The following PAPOLG variants were observed in gnomAD, a reference collection of about 807,000 sequenced individuals.
The protein encoded by PAPOLG is poly(A) polymerase gamma.
A neutral mutation model predicts 99.0 loss-of-function variants in PAPOLG; 40 were observed. The observed-to-expected ratio is 0.40, with a 90% CI of 0.31 to 0.53. The LOEUF is 0.53. Ranked by LOEUF, PAPOLG falls within the 20% of genes least tolerant of loss-of-function variation. The pLI, the probability that PAPOLG is intolerant of heterozygous loss-of-function variation, is 0.41. For missense variants in PAPOLG, 675 were observed against 884.1 expected, an observed-to-expected ratio of 0.76 and a Z score of 3.00; for synonymous variants, 310 against 299.3, an observed-to-expected ratio of 1.04 and a Z score of -0.37.
intron 3 of PAPOLG, 135 bp from the exon 4 acceptor site, chr2:60,768,335 C>T: frequency 2.6e-6 from 2 of 763,852 alleles, no homozygotes; most frequent in Non-Finnish European, 2.1e-6. Context: ...CTCCTGACCT[C>T]AGGTGATCCA....
chr2:60,762,392 A>G (rs1041245557), intron 3 of PAPOLG, among the ~76,000 whole-genome samples: 6 of 152,010 alleles, frequency 3.9e-5, no homozygotes, highest in African/African-American at 1.4e-4. Flanking sequence ...TGCTTTGTGT[A>G]GTGCAGTCCT....
At chr2:60,787,688 A>T (rs553130241) in intron 15 of PAPOLG, 68 bp downstream of exon 15, 2 of 1,559,578 alleles carry the variant, frequency 1.3e-6, no homozygotes, top group Non-Finnish European at 1.7e-6. Context: ...TCTGCCTACA[A>T]TCTGGCTGGC....
At position 60,783,174 on chromosome 2, in the gene PAPOLG, T is replaced by G; in HGVS notation, c.1131T>G (p.Thr377=). The G allele has an allele frequency of 6.3e-7, 1 of 1,593,766 alleles. No individual in the cohort carries two copies. Among genetic ancestry groups the G allele is most frequent in the Non-Finnish European group, 8.5e-7 (1 of 1,171,520 alleles). ...FQKYRHYIVL[T]ASASTEENHL... ...TCTTCAGACATTATATAGTATTGACTGCCAGCGCATCAACAGAAGAAAACC... is the reference window on the plus strand; with the variant it reads ...TCTTCAGACATTATATAGTATTGACGGCCAGCGCATCAACAGAAGAAAACC... Residue 377 remains threonine, a synonymous_variant, in exon 13 of 22, where the codon ACT becomes ACG. Transcript: ENST00000238714.
chr2:60,778,733 C>G (rs1363842717), intron 8 of PAPOLG, among the ~76,000 whole-genome samples: 1 of 152,084 alleles, frequency 6.6e-6, no homozygotes, highest in African/African-American at 2.4e-5. Flanking sequence ...TCCTTGGGCT[C>G]AAGTGTCTTG....
intron 6 of PAPOLG, 90 bp from the exon 7 acceptor site, chr2:60,771,429 A>C: frequency 5.6e-6 from 8 of 1,436,526 alleles, no homozygotes; most frequent in Non-Finnish European, 6.4e-6. Flanking sequence ...ACTCATAACC[A>C]GAGCTTTTCA....
intron 13 of PAPOLG, among the ~76,000 whole-genome samples, chr2:60,785,735 T>A (rs1414415207): frequency 1.3e-5 from 2 of 151,312 alleles, no homozygotes; most frequent in African/African-American, 4.9e-5. Context: ...TCTCACTATG[T>A]TGCCCCAGGT....
In PAPOLG at chr2:60,797,250, G is replaced by A. The variant is rs942994283; in HGVS notation, c.*90G>A. The A allele has an allele frequency of 2.1e-5, 31 of 1,468,944 alleles. No homozygotes were observed. In the East Asian group the frequency reaches 4.4e-4, roughly 21 times the overall value. 91.0% of individuals were successfully genotyped at this position (1,468,944 alleles called of 1,614,324 possible). A position where few individuals can be genotyped will look rare whatever the true frequency, so the allele number is the denominator to read the frequency against. ...TTTTAAATAGAAGTGGCTGTCATAC[G>A]TGAAATAAGGTGAAAGTGACAGCCT... On this transcript the variant is annotated 3_prime_UTR_variant, in exon 22 of 22. Transcript: ENST00000238714.
chr2:60,794,340 C>CA, intron 19 of PAPOLG, 149 bp downstream of exon 19: 1 of 833,036 alleles, frequency 1.2e-6, no homozygotes, highest in Non-Finnish European at 1.8e-6. Flanking sequence ...ATTAATTGCT[C>CA]ATCCTAAATT....
chr2:60,757,472 T>C (rs1460135938), intron 1 of PAPOLG, among the ~76,000 whole-genome samples: 8 of 152,192 alleles, frequency 5.3e-5, no homozygotes, highest in African/African-American at 1.9e-4. Context: ...TATTACTACA[T>C]ACACATGTGT....
At chr2:60,785,073 C>G (rs1326953961) in intron 13 of PAPOLG, among the ~76,000 whole-genome samples, 1 of 152,160 alleles carries the variant, frequency 6.6e-6, no homozygotes, top group Non-Finnish European at 1.5e-5. Context: ...AATAAAATTG[C>G]AGAAATCCGA....
At chr2:60,772,168 G>A (rs1249607398) in intron 7 of PAPOLG, among the ~76,000 whole-genome samples, 1 of 152,042 alleles carries the variant, frequency 6.6e-6, no homozygotes, top group Non-Finnish European at 1.5e-5. Context: ...ATCTGGCCGG[G>A]CGTGGTGGCC....
chr2:60,795,114 G>A, intron 21 of PAPOLG, 94 bp downstream of exon 21: 2 of 1,109,662 alleles, frequency 1.8e-6, no homozygotes, highest in Admixed American at 4.2e-5. Context: ...CCTAGCACTG[G>A]GAAAAAGTAA....
In PAPOLG at chr2:60,760,408, G is replaced by C. The variant is rs145831028; in HGVS notation, c.179+113G>C. ...GATACAGGTGCAGAAATGACAAAAA[G>C]AAAAATCTTGGCCCTCTTGGAGCTT... On this transcript the variant is annotated intron_variant, in intron 2 of 21. Transcript: ENST00000238714. 3.0e-4 allele frequency: 309 copies of C among 1,029,154 alleles called. 1 individual carries two copies. In the African/African-American group the frequency reaches 4.5e-3, roughly 15 times the overall value. The allele number at this position is 1,029,154 out of a possible 1,614,324, so 63.8% of individuals were successfully genotyped here. A position where few individuals can be genotyped will look rare whatever the true frequency, so the allele number is the denominator to read the frequency against.
At chr2:60,772,897 T>A (rs1200855101) in intron 7 of PAPOLG, among the ~76,000 whole-genome samples, 3 of 151,984 alleles carry the variant, frequency 2.0e-5, no homozygotes, top group Non-Finnish European at 4.4e-5. Context: ...TTACATACCA[T>A]TATACACCTC....
rs939085680 is a variant in PAPOLG at position 60,763,774 on chromosome 2, G to T, written c.246+1967G>T. 3.3e-5 allele frequency among the ~76,000 whole-genome samples: 5 copies of T among 151,706 alleles called. No individual in the cohort carries two copies. In the South Asian group the frequency reaches 6.3e-4, roughly 19 times the overall value. On this transcript the variant is annotated intron_variant, in intron 3 of 21. Coordinates refer to ENST00000238714, the MANE Select transcript of PAPOLG (RefSeq NM_022894.4). ...CCGCCTCAGCCTCCCAAATTTCTGG[G>T]ATTACAGGTGTGAGCCATCACACCT...
chr2:60,756,874 C>G (rs974974551), intron 1 of PAPOLG, among the ~76,000 whole-genome samples: 1 of 152,120 alleles, frequency 6.6e-6, no homozygotes, highest in African/African-American at 2.4e-5. Flanking sequence ...CTGCCTCCCC[C>G]TCCTCCCTTC....
chr2:60,789,583 T>G (rs1260972491), intron 15 of PAPOLG, among the ~76,000 whole-genome samples: 2 of 152,102 alleles, frequency 1.3e-5, no homozygotes, highest in Admixed American at 1.3e-4. Context: ...AGTACAGAAT[T>G]GCTGAATATA....
Position 60,756,426 on chromosome 2 carries a change from G to A in PAPOLG, c.-53G>A, listed in dbSNP as rs1573210120. ...GAACAGGGGGAGAAGGGAACAGCAA[G>A]AACAGGACTCCAGAGCGATAAACAC... On this transcript the variant is annotated 5_prime_UTR_variant, in exon 1 of 22. Transcript: ENST00000238714. The A allele has an allele frequency of 1.9e-6, 3 of 1,608,722 alleles. No individual in the cohort carries two copies. The highest frequency in any genetic ancestry group is 2.5e-6 in the Non-Finnish European group (3 of 1,177,260).
At position 60,794,194 on chromosome 2, in the gene PAPOLG, A is replaced by G. The variant is rs768508753; in HGVS notation, c.1989+3A>G. On this transcript the variant is annotated splice_donor_region_variant and intron_variant, in intron 19 of 21. Transcript: ENST00000238714. ...AGAGGTTGAAAGACGTAGAAAAGGTAAAGTTACAACTTTAGTGGTAATTCA... is the reference window on the plus strand; with the variant it reads ...AGAGGTTGAAAGACGTAGAAAAGGTGAAGTTACAACTTTAGTGGTAATTCA... The G allele has an allele frequency of 5.0e-6, 8 of 1,610,736 alleles. No individual in the cohort carries two copies. The highest frequency in any genetic ancestry group is 6.8e-6 in the Non-Finnish European group (8 of 1,177,466).
Sources: allele counts gnomAD v4.1 joint callset (sites outside exome capture counted in the v4.1 genomes callset), GRCh38; gene constraint gnomAD v4.1.1; transcripts MANE v1.5; gene names NCBI Gene and HGNC (gene_info 2026-07-23, HGNC 2026-07-21).